Variants in KAT2B observed in about 807,000 individuals in gnomAD.
The protein encoded by KAT2B is histone acetyltransferase KAT2B.
In KAT2B, 36 loss-of-function variants were observed where a neutral mutation model predicts 105.9. The observed-to-expected ratio is 0.34, with a 90% CI of 0.26 to 0.45. The LOEUF is 0.45. Among genes scored for constraint, KAT2B ranks in the 20% least tolerant of loss-of-function variants. KAT2B has a pLI of 1.00. For synonymous variants in KAT2B, 397 were observed against 377.9 expected (o/e 1.05, Z -0.59); for missense variants, 820 against 1,021.6 (o/e 0.80, Z 2.69).
At chr3:20,078,601 A>G (rs182499329) in intron 2 of KAT2B, among the ~76,000 whole-genome samples, 201 of 151,256 alleles carry the variant, frequency 1.3e-3, no homozygotes, top group African/African-American at 4.5e-3. Context: ...CTGGTCTCAA[A>G]CTCCTGAGGT....
intron 11 of KAT2B, among the ~76,000 whole-genome samples, chr3:20,133,001 G>T (rs1239190800): frequency 6.6e-6 from 1 of 152,130 alleles, no homozygotes; most frequent in Non-Finnish European, 1.5e-5. Flanking sequence ...CACTCCAACT[G>T]GCCAACCATT....
chr3:20,107,431 A>T (rs576292107), intron 5 of KAT2B, among the ~76,000 whole-genome samples: 1 of 151,628 alleles, frequency 6.6e-6, no homozygotes, highest in Admixed American at 6.6e-5. Context: ...GCCAAGGCGG[A>T]TGGATCACTT....
chr3:20,121,810 A>G (rs1230071478), intron 8 of KAT2B, among the ~76,000 whole-genome samples: 1 of 148,274 alleles, frequency 6.7e-6, no homozygotes, highest in Non-Finnish European at 1.5e-5. Flanking sequence ...CAGAGATTCC[A>G]ATCAGTGGGT....
chr3:20,125,205 T>G (rs376664578), intron 9 of KAT2B, among the ~76,000 whole-genome samples: 22 of 148,278 alleles, frequency 1.5e-4, no homozygotes, highest in African/African-American at 5.5e-4. Flanking sequence ...CTCCAGAGGC[T>G]GAGGCAGGAG....
At chr3:20,102,258 G>C (rs1698923744) in intron 5 of KAT2B, among the ~76,000 whole-genome samples, 1 of 152,130 alleles carries the variant, frequency 6.6e-6, no homozygotes, top group Non-Finnish European at 1.5e-5. Context: ...AGAGTTTGCA[G>C]TGAACTGAGA....
Position 20,062,164 on chromosome 3 carries a change from T to TA in KAT2B, c.304-10167dup, listed in dbSNP as rs1212610375. 8.0e-4 allele frequency among the ~76,000 whole-genome samples: 62 copies of TA among 77,526 alleles called. 5 individuals carry two copies. The highest frequency in any genetic ancestry group is 3.0e-3 in the African/African-American group (55 of 18,348). 50.9% of individuals were successfully genotyped at this position (77,526 alleles called of 152,430 possible). A position where few individuals can be genotyped will look rare whatever the true frequency, so the allele number is the denominator to read the frequency against. On this transcript the variant is annotated intron_variant, in intron 1 of 17. Transcript: ENST00000263754. ...ATAATATATAAAAATATATAATATA[T>TA]AATATATATAATATATAATATATAA...
chr3:20,042,284 C>A (rs1048741192), intron 1 of KAT2B, among the ~76,000 whole-genome samples: 1 of 152,136 alleles, frequency 6.6e-6, no homozygotes, highest in African/African-American at 2.4e-5. Context: ...GTGGTTATTT[C>A]TGAAGAAGGA....
intron 7 of KAT2B, among the ~76,000 whole-genome samples, chr3:20,115,485 G>A (rs554394485): frequency 8.5e-4 from 129 of 152,266 alleles, no homozygotes; most frequent in African/African-American, 3.1e-3. Context: ...CTGGCCATGG[G>A]GAAAGACAGG....
rs539292046 is a variant in KAT2B at position 20,096,895 on chromosome 3, AAAATTTGGTAGATATT to A, written c.576+1496_576+1511del. Among the ~76,000 whole-genome samples the A allele has an allele frequency of 1.8e-3, 267 of 152,134 alleles. 3 individuals are homozygous for A. Among genetic ancestry groups the A allele is most frequent in the African/African-American group, 6.2e-3 (259 of 41,486 alleles). ...GAGTGGGAGGTAGAATTATATTTTTAAAATTTGGTAGATATTAAATTTGGGGATATTAACTTTAAAA... is the reference window on the plus strand; with the variant it reads ...GAGTGGGAGGTAGAATTATATTTTTAAAATTTGGGGATATTAACTTTAAAA... On this transcript the variant is annotated intron_variant, in intron 3 of 17. Transcript: ENST00000263754.
chr3:20,079,952 G>A (rs531459129), intron 2 of KAT2B, among the ~76,000 whole-genome samples: 16 of 152,296 alleles, frequency 1.1e-4, no homozygotes, highest in African/African-American at 3.4e-4. Flanking sequence ...TATAAGTTAT[G>A]TCTCCCTGAC....
In KAT2B at chr3:20,146,326, A is replaced by C. The variant is rs774231806; in HGVS notation, c.2015A>C (p.Lys672Thr). 1 of 1,599,996 alleles carries C rather than the reference A, an allele frequency of 6.3e-7. No homozygotes were observed. Among genetic ancestry groups the C allele is most frequent in the Non-Finnish European group, 8.6e-7 (1 of 1,167,418 alleles). The part of the protein sequence containing the change: ...IIKKQKEIIK[K>T]LIERKQAQIR... ...TCCTGTGCTTTACAGATAATTAAAA[A>C]ACTGATTGAAAGAAAACAGGCACAA... is the stretch of plus-strand genomic sequence containing the variant. The change falls in exon 14 of 18, where the codon AAA (lysine) becomes ACA (threonine). Residue 672 changes from lysine (K) to threonine (T), a missense_variant. By Grantham distance (78) the Lys-to-Thr change is moderately conservative. Coordinates refer to ENST00000263754, the MANE Select transcript of KAT2B (RefSeq NM_003884.5).
chr3:20,105,225 A>G (rs1201042881), intron 5 of KAT2B, among the ~76,000 whole-genome samples: 1 of 152,210 alleles, frequency 6.6e-6, no homozygotes, highest in Middle Eastern at 3.2e-3. Context: ...TGTACCTTAT[A>G]TATACTCCCA....
intron 13 of KAT2B, among the ~76,000 whole-genome samples, chr3:20,142,430 T>C (rs1315828209): frequency 1.3e-5 from 2 of 152,164 alleles, no homozygotes; most frequent in Non-Finnish European, 2.9e-5. Context: ...TTTTTATAAG[T>C]ATTATTTGTT....
Position 20,072,407 on chromosome 3 carries a change from G to T in KAT2B, c.378G>T (p.Gln126His). Residue 126 changes from glutamine to histidine, a missense_variant, in exon 2 of 18, where the codon CAG becomes CAT. This residue lies in a region of KAT2B where 190 missense variants were observed against 176.7 expected (regional missense o/e 1.08). Coordinates refer to ENST00000263754, the MANE Select transcript of KAT2B (RefSeq NM_003884.5). ...PSPTPPRADL[Q>H]QIIVSLTESC... ...CCACTCCCCCCAGAGCCGACCTGCAGCAAATAATTGTCAGTCTAACAGAAT... is the reference window on the plus strand; with the variant it reads ...CCACTCCCCCCAGAGCCGACCTGCATCAAATAATTGTCAGTCTAACAGAAT... The T allele has an allele frequency of 6.2e-7, 1 of 1,613,774 alleles. No homozygotes were observed. Among genetic ancestry groups the T allele is most frequent in the Non-Finnish European group, 8.5e-7 (1 of 1,179,682 alleles).
intron 5 of KAT2B, among the ~76,000 whole-genome samples, chr3:20,102,040 G>A (rs886660052): frequency 6.6e-6 from 1 of 152,058 alleles, no homozygotes; most frequent in Non-Finnish European, 1.5e-5. Context: ...TTTTAGGCTG[G>A]GCATGGTGGC....
chr3:20,089,995 C>A (rs13090593), intron 2 of KAT2B, among the ~76,000 whole-genome samples: 16,269 of 145,332 alleles, frequency 0.11, 1,107 homozygotes, highest in Admixed American at 0.16. Flanking sequence ...AACAAACAAA[C>A]AAAAAAACAA....
intron 5 of KAT2B, among the ~76,000 whole-genome samples, chr3:20,106,979 G>GTGTA (rs1467743764): frequency 3.0e-5 from 1 of 33,498 alleles, no homozygotes; most frequent in Non-Finnish European, 5.4e-5. Context: ...ATATATATAT[G>GTGTA]TATATATATA....
At chr3:20,106,762 A>G (rs543604320) in intron 5 of KAT2B, among the ~76,000 whole-genome samples, 19 of 151,470 alleles carry the variant, frequency 1.3e-4, no homozygotes, top group Admixed American at 9.2e-4. Context: ...TCATCTTTGT[A>G]TCAGAAATAA....
At chr3:20,102,078 A>C (rs1698920636) in intron 5 of KAT2B, among the ~76,000 whole-genome samples, 1 of 152,112 alleles carries the variant, frequency 6.6e-6, no homozygotes. Context: ...GCACTTTGGG[A>C]GTCTAAAGTG....
Sources: gnomAD v4.1 joint callset for allele counts (sites outside exome capture counted in the v4.1 genomes callset) on GRCh38, gnomAD v4.1.1 for gene constraint, gnomAD v4.1.1 regional missense constraint, MANE v1.5 for transcripts, NCBI Gene and HGNC (gene_info 2026-07-23, HGNC 2026-07-21) for gene names.